Variants in CDC14B observed in about 807,000 individuals in gnomAD.
CDC14B encodes the protein dual specificity protein phosphatase CDC14B.
In CDC14B, 22 loss-of-function variants were observed where a neutral mutation model predicts 64.2. The observed-to-expected ratio is 0.34, with a 90% CI of 0.24 to 0.49. The LOEUF (loss-of-function observed/expected upper bound fraction) is 0.49, where lower values mean the gene tolerates loss of function less well. Among genes scored for constraint, CDC14B ranks in the 20% least tolerant of loss-of-function variants. The pLI is 0.99. For synonymous variants in CDC14B, 191 were observed against 215.8 expected (o/e 0.89, Z 1.01); for missense variants, 498 against 629.9 (o/e 0.79, Z 2.24).
At chr9:96,604,857 A>AG (rs540123035) in intron 1 of CDC14B, among the ~76,000 whole-genome samples, 3 of 152,088 alleles carry the variant, frequency 2.0e-5, no homozygotes, top group South Asian at 4.2e-4. Context: ...TTTAGTAGAG[A>AG]GGGGGTTTCA....
At chr9:96,557,315 T>G (rs1027276734) in intron 4 of CDC14B, among the ~76,000 whole-genome samples, 2 of 152,258 alleles carry the variant, frequency 1.3e-5, no homozygotes, top group Admixed American at 6.5e-5. Context: ...TGCCTCGTGC[T>G]GTTTGCCCTG....
At chr9:96,545,298 T>C (rs868675189) in intron 5 of CDC14B, among the ~76,000 whole-genome samples, 1 of 151,964 alleles carries the variant, frequency 6.6e-6, no homozygotes, top group Non-Finnish European at 1.5e-5. Flanking sequence ...ATTTTAACCA[T>C]GTCTTCTCTG....
chr9:96,578,407 T>C (rs1275336656), intron 1 of CDC14B, among the ~76,000 whole-genome samples: 2 of 152,116 alleles, frequency 1.3e-5, no homozygotes, highest in South Asian at 2.1e-4. Flanking sequence ...AAGGGAAAAA[T>C]AGTAACTTTA....
At chr9:96,493,841 A>T (rs532834200) in intron 13 of CDC14B, among the ~76,000 whole-genome samples, 2 of 152,284 alleles carry the variant, frequency 1.3e-5, no homozygotes, top group African/African-American at 4.8e-5. Context: ...AAAGTGCAGA[A>T]CTGCCTTGTA....
At chr9:96,563,592 G>C (rs776780857) in intron 3 of CDC14B, among the ~76,000 whole-genome samples, 1 of 148,122 alleles carries the variant, frequency 6.8e-6, no homozygotes, top group Non-Finnish European at 1.5e-5. Context: ...GGAGGTTATA[G>C]TGAGCCCAGA....
intron 1 of CDC14B, among the ~76,000 whole-genome samples, chr9:96,590,104 TA>T (rs2118574441): frequency 6.6e-6 from 1 of 152,348 alleles, no homozygotes; most frequent in Non-Finnish European, 1.5e-5. Flanking sequence ...TTCACCGTGC[TA>T]AACTGAAACT....
At chr9:96,540,151 T>TA (rs531012508) in intron 6 of CDC14B, among the ~76,000 whole-genome samples, 183 of 152,036 alleles carry the variant, frequency 1.2e-3, no homozygotes, top group African/African-American at 4.0e-3. Context: ...AATGAAACAA[T>TA]AAAAAAAAGT....
intron 5 of CDC14B, among the ~76,000 whole-genome samples, chr9:96,547,391 A>G (rs55732809): frequency 0.15 from 23,044 of 151,064 alleles, 5,850 homozygotes; most frequent in African/African-American, 0.53. Context: ...GCTTGAACCC[A>G]GGAGGTGGAG....
At chr9:96,601,318 G>A (rs1294574821) in intron 1 of CDC14B, among the ~76,000 whole-genome samples, 1 of 152,098 alleles carries the variant, frequency 6.6e-6, no homozygotes, top group African/African-American at 2.4e-5. Flanking sequence ...CCAACATGGT[G>A]AAACTCCGTC....
chr9:96,532,879 C>A (rs1343702628), intron 9 of CDC14B, among the ~76,000 whole-genome samples: 2 of 152,074 alleles, frequency 1.3e-5, no homozygotes, highest in Non-Finnish European at 2.9e-5. Context: ...CCCACATATT[C>A]TTTTAACTCT....
intron 1 of CDC14B, among the ~76,000 whole-genome samples, chr9:96,595,699 C>T (rs952272431): frequency 1.3e-5 from 2 of 152,030 alleles, no homozygotes; most frequent in African/African-American, 4.8e-5. Flanking sequence ...GAAAAGAAAC[C>T]AGGCATAAAA....
chr9:96,541,803 G>A (rs762853244), intron 6 of CDC14B, 23 bp downstream of exon 6: 2 of 1,550,950 alleles, frequency 1.3e-6, no homozygotes, highest in African/African-American at 2.7e-5. Flanking sequence ...CACAACACTG[G>A]GTGCATCCTA....
At chr9:96,607,495 A>G (rs1298695183) in intron 1 of CDC14B, among the ~76,000 whole-genome samples, 1 of 133,264 alleles carries the variant, frequency 7.5e-6, no homozygotes, top group African/African-American at 2.9e-5. Flanking sequence ...ATCTCGGCTC[A>G]CTGCAAGCTC....
intron 4 of CDC14B, among the ~76,000 whole-genome samples, chr9:96,560,133 G>A (rs1269600941): frequency 2.0e-5 from 3 of 152,154 alleles, no homozygotes; most frequent in African/African-American, 7.2e-5. Context: ...CCTTCAGAGA[G>A]GTTCTTCACG....
chr9:96,561,128 G>A (rs1024397416), intron 4 of CDC14B, among the ~76,000 whole-genome samples: 1 of 152,000 alleles, frequency 6.6e-6, no homozygotes, highest in Non-Finnish European at 1.5e-5. Context: ...GTAGAAACAA[G>A]GTTTCACCAT....
At chr9:96,556,963 C>T (rs1842582031) in intron 4 of CDC14B, among the ~76,000 whole-genome samples, 1 of 152,184 alleles carries the variant, frequency 6.6e-6, no homozygotes, top group Admixed American at 6.5e-5. Flanking sequence ...GACAGGAACC[C>T]ATCCTATCTA....
At chr9:96,533,703 T>C (rs1838852145) in intron 9 of CDC14B, among the ~76,000 whole-genome samples, 1 of 152,238 alleles carries the variant, frequency 6.6e-6, no homozygotes, top group Non-Finnish European at 1.5e-5. Context: ...ATGCACCCAA[T>C]AAATATTTGA....
downstream of CDC14B, among the ~76,000 whole-genome samples, chr9:96,499,027 T>C (rs1005712913): frequency 1.3e-5 from 2 of 152,174 alleles, no homozygotes; most frequent in Non-Finnish European, 2.9e-5. Flanking sequence ...GCCGGCCCCT[T>C]TGCAGCACTC....
chr9:96,577,136 G>A (rs941529949), intron 1 of CDC14B, among the ~76,000 whole-genome samples: 6 of 151,898 alleles, frequency 4.0e-5, no homozygotes, highest in Non-Finnish European at 5.9e-5. Flanking sequence ...CTGTAATCCC[G>A]GTTTCTCGGG....
Sources: gnomAD v4.1 joint callset for allele counts (sites outside exome capture counted in the v4.1 genomes callset) on GRCh38, gnomAD v4.1.1 for gene constraint, MANE v1.5 for transcripts, NCBI Gene and HGNC (gene_info 2026-07-23, HGNC 2026-07-21) for gene names.